ADGRB3: variants seen among roughly 807,000 people sequenced by gnomAD.
ADGRB3 encodes brain-specific angiogenesis inhibitor 3.
ADGRB3 carries 37 observed loss-of-function variants against 193.4 expected under a neutral mutation model. The observed-to-expected ratio is 0.19, with a 90% CI of 0.15 to 0.25. The LOEUF (loss-of-function observed/expected upper bound fraction) is 0.25, where lower values mean the gene tolerates loss of function less well. ADGRB3 is among the 10% of genes least tolerant of loss of function. The pLI, the probability that ADGRB3 is intolerant of heterozygous loss-of-function variation, is 1.00. For missense variants in ADGRB3, 1,637 were observed against 1,852.9 expected (o/e 0.88, Z 2.14); for synonymous variants, 690 against 644.2 (o/e 1.07, Z -1.08).
intron 17 of ADGRB3, among the ~76,000 whole-genome samples, chr6:69,227,763 C>T (rs1159319238): frequency 6.6e-6 from 1 of 152,058 alleles, no homozygotes; most frequent in African/African-American, 2.4e-5. Context: ...AACATAATCA[C>T]CACAGGATGC....
intron 3 of ADGRB3, among the ~76,000 whole-genome samples, chr6:68,644,667 T>G (rs1329314188): frequency 6.6e-6 from 1 of 152,154 alleles, no homozygotes; most frequent in Admixed American, 6.5e-5. Flanking sequence ...ATAGGCCCGG[T>G]CAAGTATAAC....
At chr6:69,058,082 G>A (rs1188292885) in intron 15 of ADGRB3, among the ~76,000 whole-genome samples, 1 of 151,778 alleles carries the variant, frequency 6.6e-6, no homozygotes, top group Non-Finnish European at 1.5e-5. Context: ...CTTTTGTTGA[G>A]AGGTTTTTGA....
chr6:69,301,469 T>A (rs1263413802), intron 20 of ADGRB3, among the ~76,000 whole-genome samples: 1 of 151,892 alleles, frequency 6.6e-6, no homozygotes, highest in Non-Finnish European at 1.5e-5. Flanking sequence ...GAAAACTAGT[T>A]TTATCTCTCA....
At chr6:68,680,552 C>T (rs1326938478) in intron 3 of ADGRB3, among the ~76,000 whole-genome samples, 1 of 152,052 alleles carries the variant, frequency 6.6e-6, no homozygotes, top group Non-Finnish European at 1.5e-5. Flanking sequence ...AGCTCTTCAA[C>T]CCCTTTAATC....
chr6:68,863,996 G>A (rs894293343), intron 3 of ADGRB3, among the ~76,000 whole-genome samples: 4 of 151,982 alleles, frequency 2.6e-5, no homozygotes, highest in African/African-American at 7.3e-5. Context: ...TTCTTTCAGG[G>A]TACCAAAGAT....
At chr6:68,723,346 G>C (rs1368015114) in intron 3 of ADGRB3, among the ~76,000 whole-genome samples, 1 of 151,644 alleles carries the variant, frequency 6.6e-6, no homozygotes, top group Non-Finnish European at 1.5e-5. Context: ...TGAAATCACA[G>C]CCAAGGTTAG....
At chr6:69,251,892 T>C (rs1766631286) in intron 20 of ADGRB3, among the ~76,000 whole-genome samples, 2 of 152,166 alleles carry the variant, frequency 1.3e-5, no homozygotes, top group African/African-American at 4.8e-5. Context: ...GTCTCATAAC[T>C]GGAATTTTGT....
At chr6:68,650,744 A>G (rs1360441232) in intron 3 of ADGRB3, among the ~76,000 whole-genome samples, 2 of 152,130 alleles carry the variant, frequency 1.3e-5, no homozygotes, top group Non-Finnish European at 2.9e-5. Context: ...GTTTTCCTTT[A>G]TAATTTCATA....
At chr6:68,705,659 G>A (rs936893789) in intron 3 of ADGRB3, among the ~76,000 whole-genome samples, 2 of 152,130 alleles carry the variant, frequency 1.3e-5, no homozygotes, top group Admixed American at 6.5e-5. Context: ...AGTGCTAAGT[G>A]GACTAATCTG....
intron 3 of ADGRB3, among the ~76,000 whole-genome samples, chr6:68,841,123 G>C (rs371300841): frequency 7.9e-4 from 120 of 152,202 alleles, no homozygotes; most frequent in African/African-American, 2.5e-3. Flanking sequence ...TAGAACTAAA[G>C]GGAGATACAG....
chr6:69,079,610 C>A (rs9342740), intron 17 of ADGRB3, among the ~76,000 whole-genome samples: 1 of 151,782 alleles, frequency 6.6e-6, no homozygotes, highest in African/African-American at 2.4e-5. Flanking sequence ...AAAGGGTATG[C>A]GACTAGGAAA....
chr6:68,788,706 C>G (rs1376103928), intron 3 of ADGRB3, among the ~76,000 whole-genome samples: 1 of 152,118 alleles, frequency 6.6e-6, no homozygotes. Flanking sequence ...TCCTGGGTAT[C>G]CTTGTTAACT....
intron 26 of ADGRB3, among the ~76,000 whole-genome samples, chr6:69,347,885 C>A (rs2127324568): frequency 6.6e-6 from 1 of 152,140 alleles, no homozygotes; most frequent in East Asian, 1.9e-4. Flanking sequence ...ATGAGGCGCA[C>A]AAAACTGCTT....
At chr6:68,951,661 T>A (rs1306486794) in intron 6 of ADGRB3, among the ~76,000 whole-genome samples, 1 of 152,196 alleles carries the variant, frequency 6.6e-6, no homozygotes, top group Admixed American at 6.5e-5. Flanking sequence ...AGGGAACTCT[T>A]TTCTGACAGA....
intron 3 of ADGRB3, among the ~76,000 whole-genome samples, chr6:68,811,514 G>C (rs1160404938): frequency 6.6e-6 from 1 of 152,002 alleles, no homozygotes; most frequent in Non-Finnish European, 1.5e-5. Context: ...TGCTGCCCAG[G>C]CTGGAGTGCG....
chr6:68,799,043 T>G (rs1443245680), intron 3 of ADGRB3, among the ~76,000 whole-genome samples: 1 of 152,190 alleles, frequency 6.6e-6, no homozygotes, highest in Non-Finnish European at 1.5e-5. Context: ...GAGAGATATT[T>G]GAACAGACTT....
intron 3 of ADGRB3, among the ~76,000 whole-genome samples, chr6:68,653,583 C>T (rs1768422157): frequency 6.6e-6 from 1 of 151,842 alleles, no homozygotes; most frequent in Admixed American, 6.6e-5. Flanking sequence ...TTGTTTTAGC[C>T]TACTTAAAAT....
intron 17 of ADGRB3, among the ~76,000 whole-genome samples, chr6:69,083,787 T>C (rs867128696): frequency 6.7e-6 from 1 of 149,936 alleles, no homozygotes. Flanking sequence ...TTTTTTTTTT[T>C]TTTTTGAGAC....
At chr6:68,879,360 G>C (rs563217876) in intron 3 of ADGRB3, among the ~76,000 whole-genome samples, 4 of 151,598 alleles carry the variant, frequency 2.6e-5, no homozygotes, top group Admixed American at 2.6e-4. Flanking sequence ...GGGACTGCAG[G>C]TGCCCACCAC....
Sources: allele counts gnomAD v4.1 joint callset (sites outside exome capture counted in the v4.1 genomes callset), GRCh38; gene constraint gnomAD v4.1.1; transcripts MANE v1.5; gene names NCBI Gene and HGNC (gene_info 2026-07-23, HGNC 2026-07-21).